The following KCTD10 variants were observed in gnomAD, a reference collection of about 807,000 sequenced individuals.
KCTD10 encodes the protein BTB/POZ domain-containing adapter for CUL3-mediated RhoA degradation protein 3.
Under a neutral mutation model 34.6 loss-of-function variants are expected in KCTD10, and 13 were observed. The ratio of observed to expected loss-of-function variants is 0.38; its 90% CI spans 0.24 to 0.60. The LOEUF (loss-of-function observed/expected upper bound fraction) is 0.60, where lower values mean the gene tolerates loss of function less well. Ranked by LOEUF, KCTD10 falls within the 20% of genes least tolerant of loss-of-function variation. The pLI is 0.66. For missense variants in KCTD10, 256 were observed against 420.3 expected (o/e 0.61, Z 3.42); for synonymous variants, 156 against 168.8 (o/e 0.92, Z 0.59).
chr12:109,457,242 G>A (rs1873064496), intron 5 of KCTD10: 1 of 178,734 alleles, frequency 5.6e-6, no homozygotes, highest in Non-Finnish European at 1.2e-5. Context: ...ACAGAAAACA[G>A]ATTAGTGGTT....
Position 109,451,706 on chromosome 12 carries a change from C to T in KCTD10, c.831G>A (p.Gly277=). 1.2e-6 allele frequency: 2 copies of T among 1,614,036 alleles called. No homozygotes were observed. Among genetic ancestry groups the T allele is most frequent in the Non-Finnish European group, 1.7e-6 (2 of 1,179,964 alleles). The change falls in exon 7 of 7, where the codon GGG becomes GGA. Residue 277 remains glycine (G), a synonymous_variant. Transcript: ENST00000228495. The surrounding 1 kb of genome is among the most constrained non-coding windows in gnomAD (Gnocchi z 5.0). ...PDNALLEATG[G]AAGRSHHLDE... ...CCAGGTGGTGGGAGCGCCCCGCCGC[C>T]CCGCCTGTGGCCTCCAGGAGCGCAT...
intron 2 of KCTD10, among the ~76,000 whole-genome samples, chr12:109,462,727 C>T (rs1223891935): frequency 1.3e-5 from 2 of 152,178 alleles, no homozygotes; most frequent in Non-Finnish European, 2.9e-5. Flanking sequence ...GAGCTGTGAG[C>T]TCTGATGTTC....
chr12:109,450,212 T>C lies in KCTD10; in HGVS notation c.*1383A>G, dbSNP rs1355785123. The C allele has an allele frequency of 1.8e-5, 7 of 398,548 alleles. No homozygotes were observed. Among genetic ancestry groups the C allele is most frequent in the Admixed American group, 4.4e-5 (1 of 22,722 alleles). 24.7% of individuals were successfully genotyped at this position (398,548 alleles called of 1,614,324 possible). A position where few individuals can be genotyped will look rare whatever the true frequency, so the allele number is the denominator to read the frequency against. On this transcript the variant is annotated 3_prime_UTR_variant, in exon 7 of 7. Coordinates refer to ENST00000228495, the MANE Select transcript of KCTD10 (RefSeq NM_031954.5). ...ACGCACATTCACATCTCCTGGTAAC[T>C]ACTCTACCTAGTCTAGTCTCAACCA...
Position 109,451,399 on chromosome 12 carries a change from G to A in KCTD10, c.*196C>T, listed in dbSNP as rs917497094. The stretch of plus-strand genomic sequence containing the variant: ...AGATCTTAGACACAGCTTGTTCAAC[G>A]ACAGGGGTCATACGCCTGGGTCAAG... On this transcript the variant is annotated 3_prime_UTR_variant, in exon 7 of 7. Transcript: ENST00000228495. This position sits in a 1 kb window ranked among gnomAD's most constrained non-coding sequence, Gnocchi z 5.0. 9 of 555,622 alleles carry A rather than the reference G, an allele frequency of 1.6e-5. No homozygotes were observed. Among genetic ancestry groups the A allele is most frequent in the African/African-American group, 7.6e-5 (4 of 52,550 alleles). The allele number at this position is 555,622 out of a possible 1,614,324, so 34.4% of individuals were successfully genotyped here.
chr12:109,451,475 A>G lies in KCTD10; in HGVS notation c.*120T>C. The G allele has an allele frequency of 1.1e-6, 1 of 948,738 alleles. No homozygotes were observed. The allele number at this position is 948,738 out of a possible 1,614,324, so 58.8% of individuals were successfully genotyped here. On this transcript the variant is annotated 3_prime_UTR_variant, in exon 7 of 7. Transcript: ENST00000228495. This position sits in a 1 kb window ranked among gnomAD's most constrained non-coding sequence, Gnocchi z 5.0. ...TACCAAAATAATCATCTGGCTTGTTACAAAAGTATCTCCAGGCTCCAAGGG... is the reference window on the plus strand; with the variant it reads ...TACCAAAATAATCATCTGGCTTGTTGCAAAAGTATCTCCAGGCTCCAAGGG...
chr12:109,448,896 G>A lies in KCTD10; in HGVS notation c.*2699C>T, dbSNP rs1001841356. 3 of 152,166 alleles carry A rather than the reference G, an allele frequency of 2.0e-5. No individual in the cohort carries two copies. The highest frequency in any genetic ancestry group is 4.4e-5 in the Non-Finnish European group (3 of 68,030). The allele number at this position is 152,166 out of a possible 1,614,324, so 9.4% of individuals were successfully genotyped here. A position where few individuals can be genotyped will look rare whatever the true frequency, so the allele number is the denominator to read the frequency against. On this transcript the variant is annotated 3_prime_UTR_variant, in exon 7 of 7. Coordinates refer to ENST00000228495, the MANE Select transcript of KCTD10 (RefSeq NM_031954.5). ...AAGGTACAGAGACACACTTTAACTG[G>A]GGAATGGGGTCCCCACACAGTGATC...
rs1873264470 is a variant in KCTD10, at chr12:109,460,575, T to C, written c.387+61A>G. On this transcript the variant is annotated intron_variant, in intron 3 of 6. Transcript: ENST00000228495. The surrounding 1 kb of genome is among the most constrained non-coding windows in gnomAD (Gnocchi z 4.5). ...GCCCCCATTTTGCAGAGAGGGAAAA[T>C]GAGGAAGGCAGGTAGGCTTGGTGCC... The C allele has an allele frequency of 1.0e-5, 16 of 1,527,158 alleles. No homozygotes were observed. Among genetic ancestry groups the C allele is most frequent in the Non-Finnish European group, 1.2e-5 (14 of 1,121,412 alleles). 94.6% of individuals were successfully genotyped at this position (1,527,158 alleles called of 1,614,324 possible). A position where few individuals can be genotyped will look rare whatever the true frequency, so the allele number is the denominator to read the frequency against.
intron 6 of KCTD10, among the ~76,000 whole-genome samples, chr12:109,454,807 T>C (rs1048103593): frequency 6.6e-6 from 1 of 152,166 alleles, no homozygotes; most frequent in South Asian, 2.1e-4. Context: ...CACAAGAACA[T>C]GCCACTCCTG....
chr12:109,456,042 G>A (rs1227077342), intron 6 of KCTD10, 76 bp downstream of exon 6: 1 of 1,350,450 alleles, frequency 7.4e-7, no homozygotes, highest in African/African-American at 1.4e-5. Flanking sequence ...CCTCTGTATT[G>A]GGCTCAAGTG....
chr12:109,468,584 A>G (rs1873706394), intron 2 of KCTD10, among the ~76,000 whole-genome samples: 1 of 151,826 alleles, frequency 6.6e-6, no homozygotes, highest in African/African-American at 2.4e-5. Context: ...CCCTGTTGTC[A>G]GGGGCTCTTT....
intron 4 of KCTD10, 112 bp downstream of exon 4, chr12:109,457,880 T>C (rs1873106993): frequency 9.4e-7 from 1 of 1,062,550 alleles, no homozygotes; most frequent in East Asian, 2.4e-5. Context: ...TGTGAACCCA[T>C]TATCAGGCCT....
chr12:109,460,605 CACCCATA>C lies in KCTD10; in HGVS notation c.387+24_387+30del, dbSNP rs753742129. ...AAGGCAGGTAGGCTTGGTGCCTCTC[CACCCATA>C]TGGGAAGAAAGGGTGATGCCTACTT... On this transcript the variant is annotated intron_variant, in intron 3 of 6. Coordinates refer to ENST00000228495, the MANE Select transcript of KCTD10 (RefSeq NM_031954.5). The surrounding 1 kb of genome is among the most constrained non-coding windows in gnomAD (Gnocchi z 4.5). The C allele has an allele frequency of 2.5e-6, 4 of 1,598,470 alleles. No homozygotes were observed. The highest frequency in any genetic ancestry group is 2.7e-5 in the African/African-American group (2 of 74,646).
intron 2 of KCTD10, among the ~76,000 whole-genome samples, chr12:109,463,774 C>T (rs61941582): frequency 0.016 from 2,389 of 152,320 alleles, 75 homozygotes; most frequent in Admixed American, 0.07. Flanking sequence ...TTCTCTTCTA[C>T]AAACGATCTC....
At chr12:109,456,448 C>CA in intron 5 of KCTD10, 135 bp from the exon 6 acceptor site, 1 of 727,174 alleles carries the variant, frequency 1.4e-6, no homozygotes, top group Admixed American at 2.0e-5. Flanking sequence ...AATCCCATGA[C>CA]AAAGGCACTC....
At chr12:109,462,048 G>A (rs866064722) in intron 2 of KCTD10, among the ~76,000 whole-genome samples, 1 of 152,188 alleles carries the variant, frequency 6.6e-6, no homozygotes, top group Non-Finnish European at 1.5e-5. Context: ...CTGATCCTGG[G>A]CCTTGGATCA....
At chr12:109,473,023 A>AC (rs146505830) in intron 1 of KCTD10, among the ~76,000 whole-genome samples, 4 of 105,116 alleles carry the variant, frequency 3.8e-5, no homozygotes, top group African/African-American at 1.5e-4. Flanking sequence ...CTGCATTTCT[A>AC]CCACATGCCT....
At chr12:109,457,270 T>C (rs965530222) in intron 5 of KCTD10, 2 of 200,832 alleles carry the variant, frequency 1.0e-5, no homozygotes, top group African/African-American at 4.7e-5. Context: ...GCTGTGGGGT[T>C]GGGGAAGCAA....
chr12:109,474,601 CT>C (rs1226506180), intron 1 of KCTD10, among the ~76,000 whole-genome samples: 9 of 152,090 alleles, frequency 5.9e-5, no homozygotes, highest in Non-Finnish European at 8.8e-5. Context: ...TTAGAGCCCA[CT>C]ATTCTAAAAA....
intron 1 of KCTD10, among the ~76,000 whole-genome samples, chr12:109,472,542 T>C (rs2135682230): frequency 6.6e-6 from 1 of 152,310 alleles, no homozygotes; most frequent in Middle Eastern, 3.4e-3. Context: ...GAGTATATTC[T>C]AAAATAACCA....
Sources: gnomAD v4.1 joint callset for allele counts (sites outside exome capture counted in the v4.1 genomes callset) on GRCh38, gnomAD v4.1.1 for gene constraint, Gnocchi (gnomAD v3.1) non-coding constraint, MANE v1.5 for transcripts, NCBI Gene and HGNC (gene_info 2026-07-23, HGNC 2026-07-21) for gene names.